The following MAP3K4 variants were observed in gnomAD, a reference collection of about 807,000 sequenced individuals.
MAP3K4 encodes mitogen-activated protein kinase kinase kinase 4.
Under a neutral mutation model 185.6 loss-of-function variants are expected in MAP3K4, and 67 were observed. The ratio of observed to expected loss-of-function variants is 0.36; its 90% confidence interval spans 0.30 to 0.44. MAP3K4 has a LOEUF of 0.44. Ranked by LOEUF, MAP3K4 falls within the 20% of genes least tolerant of loss-of-function variation. MAP3K4 has a pLI of 1.00. For missense variants in MAP3K4, 1,551 were observed against 1,995.1 expected (o/e 0.78, Z 4.24); for synonymous variants, 702 against 710.4 (o/e 0.99, Z 0.19).
At chr6:161,009,247 G>A (rs1290932593) in intron 1 of MAP3K4, among the ~76,000 whole-genome samples, 1 of 152,158 alleles carries the variant, frequency 6.6e-6, no homozygotes, top group Non-Finnish European at 1.5e-5. Context: ...GCCTCCCAAA[G>A]TGCTGGGATT....
rs115664190 is a variant in MAP3K4, at chr6:161,071,419, A to G, written c.1950+569A>G. On this transcript the variant is annotated intron_variant, in intron 4 of 26. Transcript: ENST00000392142. The surrounding 1 kb of genome is among the most constrained non-coding windows in gnomAD (Gnocchi z 4.6). Reference sequence around the variant, plus strand: ...AGGGTCTGTATTTATTATTTATGATATTAACATATTGATATTCACCATATA... The same window carrying G: ...AGGGTCTGTATTTATTATTTATGATGTTAACATATTGATATTCACCATATA... Among the ~76,000 whole-genome samples the G allele has an allele frequency of 3.0e-4, 46 of 152,334 alleles. No individual in the cohort carries two copies. Among genetic ancestry groups the G allele is most frequent in the African/African-American group, 1.1e-3 (46 of 41,578 alleles).
At chr6:161,012,382 C>G (rs913874323) in intron 1 of MAP3K4, among the ~76,000 whole-genome samples, 1 of 152,132 alleles carries the variant, frequency 6.6e-6, no homozygotes, top group Non-Finnish European at 1.5e-5. Flanking sequence ...GCCAGATAAT[C>G]TTTTTATTAT....
At chr6:161,102,209 G>C (rs180699141) in intron 18 of MAP3K4, among the ~76,000 whole-genome samples, 102 of 152,242 alleles carry the variant, frequency 6.7e-4, no homozygotes, top group African/African-American at 2.3e-3. Flanking sequence ...AGCCCTGTTA[G>C]CATTTTATAG....
chr6:161,031,422 C>T (rs1782923517), intron 1 of MAP3K4, among the ~76,000 whole-genome samples: 1 of 152,156 alleles, frequency 6.6e-6, no homozygotes, highest in African/African-American at 2.4e-5. Flanking sequence ...TATGTACTTT[C>T]TTAGACCCTC....
chr6:161,050,055 A>G, intron 3 of MAP3K4, 76 bp downstream of exon 3: 1 of 1,376,614 alleles, frequency 7.3e-7, no homozygotes, highest in Non-Finnish European at 9.9e-7. Context: ...TGTTGGTGTT[A>G]TGTACTTTCA....
At chr6:161,041,916 TTTTTTTTTTC>T (rs1245690590) in intron 2 of MAP3K4, among the ~76,000 whole-genome samples, 27 of 56,092 alleles carry the variant, frequency 4.8e-4, no homozygotes, top group Admixed American at 9.6e-4. Flanking sequence ...TTGTTTCTTT[TTTTTTTTTTC>T]TTTTTTTTTT....
rs1784914838 is a variant in MAP3K4, at chr6:161,071,002, G to A, written c.1950+152G>A. The A allele has an allele frequency of 3.4e-5, 26 of 766,736 alleles. No individual in the cohort carries two copies. The South Asian group carries it at 5.2e-4, about 15-fold the overall frequency. The allele number at this position is 766,736 out of a possible 1,614,324, so 47.5% of individuals were successfully genotyped here. Reference sequence around the variant, plus strand: ...CATGGTTTTAAGCTGTATATTTTAGGGTAATTAAAAATGTTCTTTATATGC... The same window carrying A: ...CATGGTTTTAAGCTGTATATTTTAGAGTAATTAAAAATGTTCTTTATATGC... On this transcript the variant is annotated intron_variant, in intron 4 of 26. Coordinates refer to ENST00000392142, the MANE Select transcript of MAP3K4 (RefSeq NM_005922.4). This position sits in a 1 kb window ranked among gnomAD's most constrained non-coding sequence, Gnocchi z 4.6.
At chr6:161,036,828 G>T (rs1783187993) in intron 2 of MAP3K4, among the ~76,000 whole-genome samples, 1 of 152,104 alleles carries the variant, frequency 6.6e-6, no homozygotes, top group African/African-American at 2.4e-5. Context: ...CAGACATGAT[G>T]CTCCAAGGAA....
In MAP3K4 at chr6:161,063,278, C is replaced by T. The variant is rs1784559873; in HGVS notation, c.1708-7330C>T. On this transcript the variant is annotated intron_variant, in intron 3 of 26. Coordinates refer to ENST00000392142, the MANE Select transcript of MAP3K4 (RefSeq NM_005922.4). The surrounding 1 kb of genome is among the most constrained non-coding windows in gnomAD (Gnocchi z 5.4). ...TTTCTTAATTTCTTTTAGTTTATTT[C>T]AGAAATCGGTCTACAATTCTCATCT... 6.6e-6 allele frequency among the ~76,000 whole-genome samples: 1 copy of T among 151,472 alleles called. No homozygotes were observed. The highest frequency in any genetic ancestry group is 6.6e-5 in the Admixed American group (1 of 15,208).
Position 161,086,880 on chromosome 6 carries a change from A to C in MAP3K4, c.2556+213A>C, listed in dbSNP as rs1165138309. Among the ~76,000 whole-genome samples, 2 of 152,248 alleles carry C rather than the reference A, an allele frequency of 1.3e-5. No individual in the cohort carries two copies. The highest frequency in any genetic ancestry group is 2.9e-5 in the Non-Finnish European group (2 of 68,044). ...TTACTAACTTGTCTTCAGAGTGTAG[A>C]TAAATAATAAAAAGTTTACTCATGC... On this transcript the variant is annotated intron_variant, in intron 9 of 26. Coordinates refer to ENST00000392142, the MANE Select transcript of MAP3K4 (RefSeq NM_005922.4). This position sits in a 1 kb window ranked among gnomAD's most constrained non-coding sequence, Gnocchi z 4.8.
rs547096135 is a variant in MAP3K4, at chr6:161,084,100, A to G, written c.2256-401A>G. 6.6e-6 allele frequency among the ~76,000 whole-genome samples: 1 copy of G among 152,378 alleles called. No individual in the cohort carries two copies. The highest frequency in any genetic ancestry group is 2.1e-4 in the South Asian group (1 of 4,830). The stretch of plus-strand genomic sequence containing the variant: ...ATAGAGTGTTTCATGTTTATTGACT[A>G]TACAAAGCTAATTGTGGGGGAAATT... On this transcript the variant is annotated intron_variant, in intron 6 of 26. Transcript: ENST00000392142. The surrounding 1 kb of genome is among the most constrained non-coding windows in gnomAD (Gnocchi z 4.6).
At position 161,093,226 on chromosome 6, in the gene MAP3K4, A is replaced by AT. The variant is rs966280343; in HGVS notation, c.3348+178dup. 6.6e-6 allele frequency among the ~76,000 whole-genome samples: 1 copy of AT among 151,886 alleles called. No individual in the cohort carries two copies. Among genetic ancestry groups the AT allele is most frequent in the African/African-American group, 2.4e-5 (1 of 41,324 alleles). ...AAAGTACTCCTCATAGCAGAGTAAG[A>AT]TTTTTTTTCTTTTTGTAACATTAGT... is the stretch of plus-strand genomic sequence containing the variant. On this transcript the variant is annotated intron_variant, in intron 14 of 26. Coordinates refer to ENST00000392142, the MANE Select transcript of MAP3K4 (RefSeq NM_005922.4). This position sits in a 1 kb window ranked among gnomAD's most constrained non-coding sequence, Gnocchi z 5.2.
intron 23 of MAP3K4, 23 bp from the exon 24 acceptor site, chr6:161,111,813 A>G (rs1778362524): frequency 6.5e-7 from 1 of 1,530,234 alleles, no homozygotes; most frequent in South Asian, 1.1e-5. Context: ...AGGCTGCGTA[A>G]CAACTACTTC....
At position 160,991,825 on chromosome 6, in the gene MAP3K4, G is replaced by T. The variant is rs1002758621; in HGVS notation, c.-107G>T. On this transcript the variant is annotated 5_prime_UTR_variant, in exon 1 of 27. Transcript: ENST00000392142. This position sits in a 1 kb window ranked among gnomAD's most constrained non-coding sequence, Gnocchi z 5.7. ...CGGCGCGCACGGCTCCTGCGGCGGG[G>T]TAGAGGCGGAGGCGGAGTCGAGTCA... 3 of 1,274,906 alleles carry T rather than the reference G, an allele frequency of 2.4e-6. No individual in the cohort carries two copies. The highest frequency in any genetic ancestry group is 3.0e-6 in the Non-Finnish European group (3 of 985,388). The allele number at this position is 1,274,906 out of a possible 1,614,324, so 79.0% of individuals were successfully genotyped here. A position where few individuals can be genotyped will look rare whatever the true frequency, so the allele number is the denominator to read the frequency against.
chr6:161,028,798 A>G (rs1373114185), intron 1 of MAP3K4, among the ~76,000 whole-genome samples: 1 of 152,220 alleles, frequency 6.6e-6, no homozygotes, highest in African/African-American at 2.4e-5. Context: ...AAAGTTAGAT[A>G]GTACATGTTG....
chr6:161,032,249 C>G (rs887292091), intron 1 of MAP3K4, among the ~76,000 whole-genome samples: 1 of 152,266 alleles, frequency 6.6e-6, no homozygotes, highest in South Asian at 2.1e-4. Flanking sequence ...GCTTCCAGGC[C>G]TACACCATGC....
At chr6:161,021,507 T>C (rs545486189) in intron 1 of MAP3K4, among the ~76,000 whole-genome samples, 1 of 152,336 alleles carries the variant, frequency 6.6e-6, no homozygotes, top group Admixed American at 6.5e-5. Context: ...TTCGGAACTT[T>C]TATGTGTCAG....
chr6:160,993,221 A>G (rs1780825195), intron 1 of MAP3K4, among the ~76,000 whole-genome samples: 2 of 152,180 alleles, frequency 1.3e-5, no homozygotes, highest in Admixed American at 6.6e-5. Context: ...CTTCTAAGGA[A>G]CAACTTCTCT....
In MAP3K4 at chr6:161,034,272, T is replaced by C. The variant is rs200166879; in HGVS notation, c.166T>C (p.Leu56=). The change falls in exon 2 of 27, where the codon TTG becomes CTG. Residue 56 remains leucine, a synonymous_variant. Coordinates refer to ENST00000392142, the MANE Select transcript of MAP3K4 (RefSeq NM_005922.4). The surrounding 1 kb of genome is among the most constrained non-coding windows in gnomAD (Gnocchi z 4.4). ...TGTCTTTCATAGGCAAGAGGGCACA[T>C]TGGGAGATTCAGCTTGCAAGAGTCC... is the stretch of plus-strand genomic sequence containing the variant. ...CCLAARQEGT[L]GDSACKSPES... is the part of the protein sequence containing the mutation. The C allele has an allele frequency of 2.7e-5, 43 of 1,613,348 alleles. No individual in the cohort carries two copies. Among genetic ancestry groups the C allele is most frequent in the Non-Finnish European group, 3.5e-5 (41 of 1,179,564 alleles).
Sources: allele counts gnomAD v4.1 joint callset (sites outside exome capture counted in the v4.1 genomes callset), GRCh38; gene constraint gnomAD v4.1.1; non-coding constraint Gnocchi (gnomAD v3.1); transcripts MANE v1.5; gene names NCBI Gene and HGNC (gene_info 2026-07-23, HGNC 2026-07-21).